The following DRC1 variants were observed in gnomAD, a reference collection of about 807,000 sequenced individuals.
The protein encoded by DRC1 is dynein regulatory complex subunit 1.
A neutral mutation model predicts 98.7 loss-of-function variants in DRC1; 74 were observed. The ratio of observed to expected loss-of-function variants is 0.75; its 90% CI spans 0.62 to 0.91. The LOEUF (loss-of-function observed/expected upper bound fraction) is 0.91, where lower values mean the gene tolerates loss of function less well. DRC1 is among the 40% of genes least tolerant of loss of function. DRC1 has a pLI of 0.00. For missense variants in DRC1, 875 were observed against 886.0 expected (o/e 0.99, Z 0.16); for synonymous variants, 336 against 334.1 (o/e 1.01, Z -0.06).
rs1663807270 is a variant in DRC1, at chr2:26,444,733, A to T, written c.1181A>T (p.Asp394Val). 1 of 1,614,122 alleles carries T rather than the reference A, an allele frequency of 6.2e-7. No individual in the cohort carries two copies. Among genetic ancestry groups the T allele is most frequent in the Non-Finnish European group, 8.5e-7 (1 of 1,180,016 alleles). ...QKAMRHFALI[D>V]DEKFWEIWLM... is the part of the protein sequence containing the mutation. ...CTTCACAGGCATTTTGCTCTTATTG[A>T]TGATGAGAAGTTTTGGGAGATTTGG... Residue 394 changes from aspartate (D) to valine (V), a missense_variant, in exon 10 of 17, where the codon GAT (aspartate) becomes GTT (valine). By Grantham distance (152) the Asp-to-Val change is radical. Transcript: ENST00000288710.
At chr2:26,447,097 T>C (rs768380967) in intron 10 of DRC1, among the ~76,000 whole-genome samples, 6 of 146,636 alleles carry the variant, frequency 4.1e-5, no homozygotes, top group Admixed American at 6.9e-5. Flanking sequence ...CTCAAAAAAA[T>C]AAAAAATAAT....
chr2:26,408,453 G>A (rs1367634610), intron 1 of DRC1, among the ~76,000 whole-genome samples: 2 of 152,078 alleles, frequency 1.3e-5, no homozygotes, highest in African/African-American at 4.8e-5. Context: ...TGTGGAATCC[G>A]ACCAGCCCCA....
chr2:26,406,705 CCTT>C (rs200128643), intron 1 of DRC1, among the ~76,000 whole-genome samples: 3,698 of 152,002 alleles, frequency 0.024, 121 homozygotes, highest in African/African-American at 0.077. Flanking sequence ...GAACGAGACT[CCTT>C]CTCAAAAAAA....
rs1437387030 is a variant in DRC1, at chr2:26,431,876, G to A, written c.766-8G>A. 2 of 1,613,384 alleles carry A rather than the reference G, an allele frequency of 1.2e-6. No homozygotes were observed. The highest frequency in any genetic ancestry group is 1.7e-6 in the Non-Finnish European group (2 of 1,179,576). On this transcript the variant is annotated splice_polypyrimidine_tract_variant and splice_region_variant and intron_variant, in intron 6 of 16. Transcript: ENST00000288710. Reference sequence around the variant, plus strand: ...CCTAACTTTTCCCTTGTCTTCCTGTGCCTTTAGCTGGAGTATCTTAACAAC... The same window carrying A: ...CCTAACTTTTCCCTTGTCTTCCTGTACCTTTAGCTGGAGTATCTTAACAAC...
At position 26,410,491 on chromosome 2, in the gene DRC1, C is replaced by T. The variant is rs563834003; in HGVS notation, c.156-3853C>T. ...TTCACCATGTTGGCCAGGCTGGTCT[C>T]GAACTCTTTACCTCAGGTGATCCAC... On this transcript the variant is annotated intron_variant, in intron 1 of 16. Coordinates refer to ENST00000288710, the MANE Select transcript of DRC1 (RefSeq NM_145038.5). Among the ~76,000 whole-genome samples, 31 of 152,144 alleles carry T rather than the reference C, an allele frequency of 2.0e-4. 1 individual carries two copies. The South Asian group carries it at 5.2e-3, about 25-fold the overall frequency.
chr2:26,431,718 A>G (rs557874115), intron 6 of DRC1, among the ~76,000 whole-genome samples, 166 bp from the exon 7 acceptor site: 1 of 152,294 alleles, frequency 6.6e-6, no homozygotes, highest in African/African-American at 2.4e-5. Flanking sequence ...ATACAAGCCA[A>G]GTCCTAAAAG....
chr2:26,435,780 C>T (rs1663553899), intron 7 of DRC1, among the ~76,000 whole-genome samples: 1 of 151,580 alleles, frequency 6.6e-6, no homozygotes, highest in Non-Finnish European at 1.5e-5. Context: ...TTATGTCAAA[C>T]CGTATGATGT....
intron 3 of DRC1, 89 bp downstream of exon 3, chr2:26,421,489 G>C: frequency 9.8e-7 from 1 of 1,023,758 alleles, no homozygotes; most frequent in Admixed American, 2.2e-5. Flanking sequence ...GGGTGACTTT[G>C]TCCACCTTAG....
At chr2:26,411,513 A>G (rs112106629) in intron 1 of DRC1, among the ~76,000 whole-genome samples, 2,410 of 152,314 alleles carry the variant, frequency 0.016, 57 homozygotes, top group African/African-American at 0.055. Flanking sequence ...ATTGGACAGT[A>G]CAGTGCTAAG....
At chr2:26,442,022 G>C (rs1372182521) in intron 8 of DRC1, among the ~76,000 whole-genome samples, 2 of 152,198 alleles carry the variant, frequency 1.3e-5, no homozygotes, top group Admixed American at 1.3e-4. Context: ...CACAGTTCTG[G>C]AGTCTGGGAA....
chr2:26,413,371 G>C (rs1038188881), intron 1 of DRC1, among the ~76,000 whole-genome samples: 11 of 152,180 alleles, frequency 7.2e-5, no homozygotes, highest in African/African-American at 2.7e-4. Flanking sequence ...CCTAAAGAAA[G>C]GATTGTTGGG....
At chr2:26,406,408 A>G (rs1288871588) in intron 1 of DRC1, among the ~76,000 whole-genome samples, 1 of 152,154 alleles carries the variant, frequency 6.6e-6, no homozygotes, top group African/African-American at 2.4e-5. Context: ...AACAGAATCA[A>G]ATGTCATATA....
Position 26,444,306 on chromosome 2 carries a change from G to A in DRC1, c.1113G>A (p.Ser371=), listed in dbSNP as rs145445723. 16 of 1,614,160 alleles carry A rather than the reference G, an allele frequency of 9.9e-6. No individual in the cohort carries two copies. Among genetic ancestry groups the A allele is most frequent in the South Asian group, 5.5e-5 (5 of 91,088 alleles). The change falls in exon 9 of 17, where the codon TCG becomes TCA. Residue 371 remains serine, a synonymous_variant. Coordinates refer to ENST00000288710, the MANE Select transcript of DRC1 (RefSeq NM_145038.5). The part of the protein sequence containing the change: ...QFQEENQSLT[S]DYKRLVMQFK... ...AGGAGGAGAACCAGTCTCTAACCTC[G>A]GACTACAAACGTCTTGTGATGCAAT...
rs1335965080 is a variant in DRC1, at chr2:26,454,076, G to T, written c.1919+527G>T. On this transcript the variant is annotated intron_variant, in intron 14 of 16. Coordinates refer to ENST00000288710, the MANE Select transcript of DRC1 (RefSeq NM_145038.5). The surrounding 1 kb of genome is among the most constrained non-coding windows in gnomAD (Gnocchi z 5.2). ...CTGGGAGGTGGCACTGGTGGGTGGG[G>T]AGCTAGCCAGGTCTTGGAGAGCCTT... Among the ~76,000 whole-genome samples, 1 of 152,166 alleles carries T rather than the reference G, an allele frequency of 6.6e-6. No homozygotes were observed. Among genetic ancestry groups the T allele is most frequent in the Non-Finnish European group, 1.5e-5 (1 of 68,014 alleles).
Position 26,448,422 on chromosome 2 carries a change from C to T in DRC1, c.1397-269C>T, listed in dbSNP as rs1330986410. 1.0e-5 allele frequency: 6 copies of T among 601,332 alleles called. No homozygotes were observed. The African/African-American group carries it at 1.1e-4, about 11-fold the overall frequency. 37.2% of individuals were successfully genotyped at this position (601,332 alleles called of 1,614,324 possible). On this transcript the variant is annotated intron_variant, in intron 10 of 16. Transcript: ENST00000288710. ...GGCTGGATTTTGAGTATGATGTTTC[C>T]AGGTAGACGCAATTTGGAAAAGTAG...
intron 4 of DRC1, among the ~76,000 whole-genome samples, chr2:26,428,889 C>T (rs985796721): frequency 1.3e-5 from 2 of 152,104 alleles, no homozygotes; most frequent in African/African-American, 2.4e-5. Context: ...AGCACATGAC[C>T]GTAGTATTTT....
intron 8 of DRC1, among the ~76,000 whole-genome samples, chr2:26,443,907 A>G (rs912270448): frequency 6.6e-6 from 1 of 152,132 alleles, no homozygotes; most frequent in Non-Finnish European, 1.5e-5. Flanking sequence ...GGCCCTAGGT[A>G]TGGGTATGGG....
rs779140891 is a variant in DRC1 at position 26,440,407 on chromosome 2, A to G, written c.918A>G (p.Lys306=). ...QILEQQLQQR[K]AIYQLNQEKL... is the part of the protein sequence containing the mutation. ...TTGAGCAGCAGCTTCAGCAGAGGAA[A>G]GCAATTTATCAGCTAAACCAAGAGA... Residue 306 remains lysine (K), a synonymous_variant, in exon 8 of 17, where the codon AAA becomes AAG. Coordinates refer to ENST00000288710, the MANE Select transcript of DRC1 (RefSeq NM_145038.5). 1.9e-6 allele frequency: 3 copies of G among 1,612,678 alleles called. No homozygotes were observed. Among genetic ancestry groups the G allele is most frequent in the Non-Finnish European group, 2.5e-6 (3 of 1,179,476 alleles).
chr2:26,402,513 G>A (rs1678279659), intron 1 of DRC1, among the ~76,000 whole-genome samples: 1 of 152,158 alleles, frequency 6.6e-6, no homozygotes, highest in African/African-American at 2.4e-5. Context: ...TAGCCTGGCT[G>A]CTTACACTGT....
Sources: allele counts gnomAD v4.1 joint callset (sites outside exome capture counted in the v4.1 genomes callset), GRCh38; gene constraint gnomAD v4.1.1; non-coding constraint Gnocchi (gnomAD v3.1); transcripts MANE v1.5; gene names NCBI Gene and HGNC (gene_info 2026-07-23, HGNC 2026-07-21).